The following TMEM259 variants were observed in gnomAD, a reference collection of about 807,000 sequenced individuals.
TMEM259 encodes transmembrane protein 259.
TMEM259 carries 26 observed loss-of-function variants against 46.7 expected under a neutral mutation model. The observed-to-expected ratio is 0.56, with a 90% CI of 0.41 to 0.77. The LOEUF (loss-of-function observed/expected upper bound fraction) is 0.77. Among genes scored for constraint, TMEM259 ranks in the 30% least tolerant of loss-of-function variants. The pLI, the probability that TMEM259 is intolerant of heterozygous loss-of-function variation, is 0.00. For synonymous variants in TMEM259, 494 were observed against 395.1 expected, an observed-to-expected ratio of 1.25 and a Z score of -2.97; for missense variants, 930 against 900.5, an observed-to-expected ratio of 1.03 and a Z score of -0.42.
chr19:1,017,108 G>A (rs755091676), intron 1 of TMEM259, among the ~76,000 whole-genome samples: 1 of 152,004 alleles, frequency 6.6e-6, no homozygotes, highest in Admixed American at 6.6e-5. Flanking sequence ...ACAAAACAAG[G>A]AGCAGGCACC....
At chr19:1,018,648 T>C (rs2039186524) in intron 1 of TMEM259, among the ~76,000 whole-genome samples, 2 of 152,082 alleles carry the variant, frequency 1.3e-5, no homozygotes, top group African/African-American at 4.8e-5. Flanking sequence ...AGGGTCAGAT[T>C]CTGTGCCACC....
Position 1,009,934 on chromosome 19 carries a change from G to T in TMEM259, c.*416C>A. ...GGGGCCATGGAGAAGGCACTGCAGGGAGCACCAGGCAGAGCCGGGCTGAGG... is the reference window on the plus strand; with the variant it reads ...GGGGCCATGGAGAAGGCACTGCAGGTAGCACCAGGCAGAGCCGGGCTGAGG... On this transcript the variant is annotated 3_prime_UTR_variant, in exon 11 of 11. Transcript: ENST00000356663. 3.0e-6 allele frequency: 1 copy of T among 330,084 alleles called. No homozygotes were observed. Among genetic ancestry groups the T allele is most frequent in the South Asian group, 7.3e-5 (1 of 13,694 alleles). 20.4% of individuals were successfully genotyped at this position (330,084 alleles called of 1,614,324 possible).
rs1324121361 is a variant in TMEM259 at position 1,010,678 on chromosome 19, C to T, written c.1535G>A (p.Ser512Asn). 1.1e-5 allele frequency: 17 copies of T among 1,533,532 alleles called. No individual in the cohort carries two copies. Among genetic ancestry groups the T allele is most frequent in the Non-Finnish European group, 8.7e-7 (1 of 1,145,554 alleles). 95.0% of individuals were successfully genotyped at this position (1,533,532 alleles called of 1,614,324 possible). A position where few individuals can be genotyped will look rare whatever the true frequency, so the allele number is the denominator to read the frequency against. ...GGGCGCCGCTGCCACAGGCCCGGGA[C>T]TCCCGCTGGCCCCAGGCGAGACGGG... ...LGPVSPGASGSPGPVAAAPSS... is the reference protein window; with the variant it reads ...LGPVSPGASGNPGPVAAAPSS... The change falls in exon 11 of 11, where the codon AGT (serine) becomes AAT (asparagine). Residue 512 changes from serine (S) to asparagine (N), a missense_variant. Transcript: ENST00000356663.
rs747628492 is a variant in TMEM259 at position 1,012,159 on chromosome 19, G to T, written c.748C>A (p.Arg250Ser). Residue 250 changes from arginine (R) to serine (S), a missense_variant, in exon 5 of 11, where the codon CGC becomes AGC. Coordinates refer to ENST00000356663, the MANE Select transcript of TMEM259 (RefSeq NM_001033026.2). ...DPTRDQCFGDRFSRLLLDEFL... is the reference protein window; with the variant it reads ...DPTRDQCFGDSFSRLLLDEFL... ...TCATCCAGCAGCAGGCGGCTGAAGC[G>T]GTCCCCGAAGCACTGGTCCCGCGTG... 4 of 1,606,442 alleles carry T rather than the reference G, an allele frequency of 2.5e-6. No individual in the cohort carries two copies. The African/African-American group carries it at 5.3e-5, about 21-fold the overall frequency.
intron 1 of TMEM259, among the ~76,000 whole-genome samples, chr19:1,018,420 G>A (rs2039179675): frequency 1.3e-5 from 2 of 152,176 alleles, no homozygotes; most frequent in African/African-American, 4.8e-5. Context: ...GAGAGCTGGG[G>A]GACTCCATGC....
At chr19:1,016,255 G>T (rs2039108992) in intron 1 of TMEM259, among the ~76,000 whole-genome samples, 1 of 152,210 alleles carries the variant, frequency 6.6e-6, no homozygotes, top group Admixed American at 6.5e-5. Flanking sequence ...CTGTGTCCTG[G>T]GGAAGACAGG....
intron 10 of TMEM259, 45 bp from the exon 11 acceptor site, chr19:1,010,940 C>A (rs753290731): frequency 2.6e-6 from 4 of 1,568,388 alleles, no homozygotes; most frequent in Non-Finnish European, 3.4e-6. Flanking sequence ...GCCCCTGCCC[C>A]ACCCAGCCGC....
rs1016283389 is a variant in TMEM259, at chr19:1,009,992, A to C, written c.*358T>G. 3 of 325,228 alleles carry C rather than the reference A, an allele frequency of 9.2e-6. No individual in the cohort carries two copies. Among genetic ancestry groups the C allele is most frequent in the Non-Finnish European group, 1.7e-5 (3 of 178,514 alleles). The allele number at this position is 325,228 out of a possible 1,614,324, so 20.1% of individuals were successfully genotyped here. ...GCACTAGGGCGCGAGGCCCCACCCCAAGCCGGCCTCTCCTCCACACCTCCG... is the reference window on the plus strand; with the variant it reads ...GCACTAGGGCGCGAGGCCCCACCCCCAGCCGGCCTCTCCTCCACACCTCCG... On this transcript the variant is annotated 3_prime_UTR_variant, in exon 11 of 11. Coordinates refer to ENST00000356663, the MANE Select transcript of TMEM259 (RefSeq NM_001033026.2).
rs750629272 is a variant in TMEM259 at position 1,021,114 on chromosome 19, C to T, written c.-118G>A. ...GCCTCCCGGCCGCCGCCGCCATCTT[C>T]CGCTTTCTCGTCCGGCTGCGGCGCT... On this transcript the variant is annotated 5_prime_UTR_variant, in exon 1 of 11. Coordinates refer to ENST00000356663, the MANE Select transcript of TMEM259 (RefSeq NM_001033026.2). The T allele has an allele frequency of 2.3e-4, 266 of 1,134,754 alleles. 1 individual carries two copies. Among genetic ancestry groups the T allele is most frequent in the Non-Finnish European group, 2.7e-4 (242 of 901,230 alleles). The allele number at this position is 1,134,754 out of a possible 1,614,324, so 70.3% of individuals were successfully genotyped here.
chr19:1,010,081 A>G lies in TMEM259; in HGVS notation c.*269T>C. 1 of 457,670 alleles carries G rather than the reference A, an allele frequency of 2.2e-6. No individual in the cohort carries two copies. The highest frequency in any genetic ancestry group is 3.8e-6 in the Non-Finnish European group (1 of 260,226). 28.4% of individuals were successfully genotyped at this position (457,670 alleles called of 1,614,324 possible). ...CCTCAGGACGGTTCACTGCAGACCT[A>G]CCAAGACCCCTCCAGAACCTTCCGC... On this transcript the variant is annotated 3_prime_UTR_variant, in exon 11 of 11. Coordinates refer to ENST00000356663, the MANE Select transcript of TMEM259 (RefSeq NM_001033026.2).
chr19:1,017,616 G>A (rs146482392), intron 1 of TMEM259, among the ~76,000 whole-genome samples: 2,400 of 152,150 alleles, frequency 0.016, 29 homozygotes, highest in South Asian at 0.041. Context: ...CGTGCTCACC[G>A]CCTCCTCCAG....
chr19:1,012,397 A>C (rs2038965939), intron 4 of TMEM259, 66 bp downstream of exon 4: 7 of 1,528,480 alleles, frequency 4.6e-6, no homozygotes, highest in Non-Finnish European at 6.1e-6. Context: ...CACCAGCAGG[A>C]GGAGACCCGA....
Position 1,010,859 on chromosome 19 carries a change from G to A in TMEM259, c.1354C>T (p.Pro452Ser). The change falls in exon 11 of 11, where the codon CCT becomes TCT. Residue 452 changes from proline (P) to serine (S), a missense_variant. Coordinates refer to ENST00000356663, the MANE Select transcript of TMEM259 (RefSeq NM_001033026.2). ...MIYFFHHYELPAILQQVRIQE... is the reference protein window; with the variant it reads ...MIYFFHHYELSAILQQVRIQE... Reference sequence around the variant, plus strand: ...ATGCGGACCTGCTGCAGGATGGCAGGCAGCTCGTAGTGGTGGAAGAAGTAG... The same window carrying A: ...ATGCGGACCTGCTGCAGGATGGCAGACAGCTCGTAGTGGTGGAAGAAGTAG... The A allele has an allele frequency of 2.5e-6, 4 of 1,585,734 alleles. No individual in the cohort carries two copies. The highest frequency in any genetic ancestry group is 1.1e-5 in the South Asian group (1 of 90,426).
At position 1,011,187 on chromosome 19, in the gene TMEM259, T is replaced by C. The variant is rs369432576; in HGVS notation, c.1226A>G (p.Tyr409Cys). The C allele has an allele frequency of 6.3e-6, 10 of 1,596,640 alleles. No individual in the cohort carries two copies. The highest frequency in any genetic ancestry group is 4.0e-5 in the African/African-American group (3 of 74,378). The change falls in exon 10 of 11, where the codon TAT (tyrosine) becomes TGT (cysteine). Residue 409 changes from tyrosine (Y) to cysteine (C), a missense_variant. Tyr to Cys is a radical substitution (Grantham distance 194). Transcript: ENST00000356663. ...TSKRHWLRFF[Y>C]LYHFAFYAYH... is the part of the protein sequence containing the mutation. Reference sequence around the variant, plus strand: ...GGCATAGAAGGCGAAGTGGTAGAGATAGAAGAACCTGCGGGGCGGGGTGAG... The same window carrying C: ...GGCATAGAAGGCGAAGTGGTAGAGACAGAAGAACCTGCGGGGCGGGGTGAG...
intron 4 of TMEM259, 103 bp downstream of exon 4, chr19:1,012,360 G>C (rs2038962983): frequency 6.7e-7 from 1 of 1,503,662 alleles, no homozygotes; most frequent in African/African-American, 1.4e-5. Flanking sequence ...GCAGACCCCA[G>C]TGCTTCCTGC....
chr19:1,012,374 G>GC (rs200974669), intron 4 of TMEM259, 89 bp downstream of exon 4: 5 of 1,512,030 alleles, frequency 3.3e-6, no homozygotes, highest in Non-Finnish European at 4.4e-6. Context: ...TTCCTGCACA[G>GC]CCCCCCGTCC....
Position 1,011,756 on chromosome 19 carries a change from T to G in TMEM259, c.985A>C (p.Ile329Leu). ...GGACACTCACCGATGAAGACGAAGA[T>G]CTGGTGGTGTGAGTACCGCAGCAGC... ...SMLLRYSHHQIFVFIVDLLQM... is the reference protein window; with the variant it reads ...SMLLRYSHHQLFVFIVDLLQM... The change falls in exon 7 of 11, where the codon ATC (isoleucine) becomes CTC (leucine). Residue 329 changes from isoleucine (I) to leucine (L), a missense_variant. Transcript: ENST00000356663. The G allele has an allele frequency of 6.4e-7, 1 of 1,555,102 alleles. No individual in the cohort carries two copies. Among genetic ancestry groups the G allele is most frequent in the Non-Finnish European group, 8.7e-7 (1 of 1,149,140 alleles).
chr19:1,011,659 GT>G lies in TMEM259; in HGVS notation c.1004del (p.Asp335AlafsTer8). 1.9e-6 allele frequency: 3 copies of G among 1,545,724 alleles called. No individual in the cohort carries two copies. The highest frequency in any genetic ancestry group is 2.6e-6 in the Non-Finnish European group (3 of 1,144,334). On this transcript the variant is annotated frameshift_variant, in exon 8 of 11. Transcript: ENST00000356663. LOFTEE classifies it high-confidence loss of function. ...TGTTCATCTCCAGCATCTGCAGCAG[GT>G]CCACTGCGGGCACAGGGCGGCGGGC... Reference protein sequence around the residue: ...SHHQIFVFIVDLLQMLEMNMA... With the variant: ...SHHQIFVFIVXLLQMLEMNMA...
In TMEM259 at chr19:1,011,854, C is replaced by T. The variant is rs374586188; in HGVS notation, c.942+38G>A. The T allele has an allele frequency of 9.5e-5, 152 of 1,593,006 alleles. 1 individual carries two copies. The highest frequency in any genetic ancestry group is 1.2e-4 in the Non-Finnish European group (135 of 1,168,214). On this transcript the variant is annotated intron_variant, in intron 6 of 10. Coordinates refer to ENST00000356663, the MANE Select transcript of TMEM259 (RefSeq NM_001033026.2). ...GGGCTGCGAGGGCCTGCTTGGCTCC[C>T]GCCCGGCCAGCCCCCGCACCCGCCC...
Sources: allele counts gnomAD v4.1 joint callset (sites outside exome capture counted in the v4.1 genomes callset), GRCh38; gene constraint gnomAD v4.1.1; transcripts MANE v1.5; gene names NCBI Gene and HGNC (gene_info 2026-07-23, HGNC 2026-07-21).